Variants in SNX29 observed in about 807,000 individuals in gnomAD.
The protein encoded by SNX29 is sorting nexin-29.
Under a neutral mutation model 102.1 loss-of-function variants are expected in SNX29, and 78 were observed. That is an observed-to-expected ratio of 0.76 (90% CI 0.64 to 0.92). The LOEUF (loss-of-function observed/expected upper bound fraction) is 0.92. Among genes scored for constraint, SNX29 ranks in the 40% least tolerant of loss-of-function variants. The pLI is 0.00. For missense variants in SNX29, 1,280 were observed against 1,061.7 expected (o/e 1.21, Z -2.86); for synonymous variants, 580 against 414.5 (o/e 1.40, Z -4.85).
Position 12,517,818 on chromosome 16 carries a change from C to T in SNX29, c.2179-6884C>T, listed in dbSNP as rs570154959. On this transcript the variant is annotated intron_variant, in intron 19 of 20. Transcript: ENST00000566228. ...AGGACTGGATCAGAGAGGGCCTGGG[C>T]GACCTCCACTGGCATGTCCCGAGAG... Among the ~76,000 whole-genome samples the T allele has an allele frequency of 7.4e-4, 112 of 151,430 alleles. 1 individual carries two copies. The highest frequency in any genetic ancestry group is 2.6e-3 in the African/African-American group (106 of 41,196).
intron 9 of SNX29, among the ~76,000 whole-genome samples, chr16:12,067,195 G>A (rs186322734): frequency 1.1e-4 from 17 of 152,108 alleles, no homozygotes; most frequent in Admixed American, 6.5e-4. Context: ...AAAAAAGCGG[G>A]AGGGGAAGTG....
intron 15 of SNX29, among the ~76,000 whole-genome samples, chr16:12,328,063 T>C (rs1750788859): frequency 6.6e-6 from 1 of 152,300 alleles, no homozygotes; most frequent in South Asian, 2.1e-4. Context: ...AGGACACCAC[T>C]TTCCAGAGCC....
chr16:12,496,258 C>G (rs949821344), intron 19 of SNX29, among the ~76,000 whole-genome samples: 14 of 152,212 alleles, frequency 9.2e-5, no homozygotes, highest in Non-Finnish European at 2.1e-4. Flanking sequence ...GCTGGCAACT[C>G]ACAGGTCACA....
chr16:12,318,197 C>T (rs902216997), intron 15 of SNX29, among the ~76,000 whole-genome samples: 11 of 152,212 alleles, frequency 7.2e-5, no homozygotes, highest in African/African-American at 1.4e-4. Context: ...CATCTTGCTC[C>T]GAGCTCATGC....
At chr16:12,292,195 C>T (rs1018125466) in intron 15 of SNX29, among the ~76,000 whole-genome samples, 6 of 152,086 alleles carry the variant, frequency 3.9e-5, no homozygotes, top group Non-Finnish European at 8.8e-5. Context: ...ACAGCAGGTG[C>T]GAAGGTTTGG....
intron 15 of SNX29, among the ~76,000 whole-genome samples, chr16:12,302,850 C>G (rs561453467): frequency 6.6e-6 from 1 of 152,332 alleles, no homozygotes; most frequent in South Asian, 2.1e-4. Context: ...TGCACATTTT[C>G]TAAAAGCACT....
chr16:12,140,675 TTGG>T (rs772635890), intron 13 of SNX29, among the ~76,000 whole-genome samples: 10 of 152,164 alleles, frequency 6.6e-5, no homozygotes, highest in Non-Finnish European at 1.2e-4. Context: ...GCACCCTGTC[TTGG>T]TGGGTGAAAT....
At chr16:12,393,727 A>G (rs1752037452) in intron 16 of SNX29, among the ~76,000 whole-genome samples, 1 of 152,212 alleles carries the variant, frequency 6.6e-6, no homozygotes, top group Admixed American at 6.5e-5. Flanking sequence ...GGAAGAGGAG[A>G]AGGGAGCAGT....
intron 18 of SNX29, among the ~76,000 whole-genome samples, chr16:12,474,938 C>A (rs1332764835): frequency 6.6e-6 from 1 of 152,148 alleles, no homozygotes; most frequent in African/African-American, 2.4e-5. Context: ...TGGATGTGAC[C>A]TTTTGTTCAG....
At chr16:12,366,918 C>G (rs551094115) in intron 16 of SNX29, 1 of 151,514 alleles carries the variant, frequency 6.6e-6, no homozygotes, top group East Asian at 1.9e-4. Context: ...GCAATCCTCT[C>G]CCTCTCCCTT....
chr16:12,457,259 C>T (rs1307319783), intron 18 of SNX29, among the ~76,000 whole-genome samples: 1 of 152,198 alleles, frequency 6.6e-6, no homozygotes, highest in Non-Finnish European at 1.5e-5. Flanking sequence ...ATACTATCCC[C>T]GCTCTATAGA....
Position 12,480,698 on chromosome 16 carries a change from A to C in SNX29, c.2178+2839A>C, listed in dbSNP as rs541157013. Among the ~76,000 whole-genome samples, 8 of 152,236 alleles carry C rather than the reference A, an allele frequency of 5.3e-5. No homozygotes were observed. The South Asian group carries it at 1.5e-3, about 28-fold the overall frequency. On this transcript the variant is annotated intron_variant, in intron 19 of 20. Coordinates refer to ENST00000566228, the MANE Select transcript of SNX29 (RefSeq NM_032167.5). ...CTGCCTCCTCAAGCCCCCCAGTTAC[A>C]CAAAACTTAAGACAAAATAAATCTC...
chr16:12,200,197 C>T (rs2076878622), intron 14 of SNX29, among the ~76,000 whole-genome samples: 1 of 152,106 alleles, frequency 6.6e-6, no homozygotes, highest in Non-Finnish European at 1.5e-5. Flanking sequence ...AGCATAATGC[C>T]TACCATAGAA....
intron 11 of SNX29, among the ~76,000 whole-genome samples, chr16:12,101,951 G>A (rs151031819): frequency 1.4e-3 from 217 of 152,082 alleles, no homozygotes; most frequent in African/African-American, 5.0e-3. Flanking sequence ...AGTGTGTGAT[G>A]TTCCCCTCCC....
chr16:12,007,581 G>C (rs2056498549), intron 3 of SNX29, among the ~76,000 whole-genome samples: 1 of 152,180 alleles, frequency 6.6e-6, no homozygotes, highest in Non-Finnish European at 1.5e-5. Context: ...ACTTAGGACT[G>C]ACAAGATAGA....
intron 19 of SNX29, among the ~76,000 whole-genome samples, chr16:12,484,988 C>T (rs74533857): frequency 6.6e-6 from 1 of 152,184 alleles, no homozygotes; most frequent in Non-Finnish European, 1.5e-5. Flanking sequence ...AAGATACTCA[C>T]GGTCTAAATT....
chr16:12,069,218 G>C, intron 10 of SNX29, 86 bp downstream of exon 10: 1 of 1,143,190 alleles, frequency 8.7e-7, no homozygotes, highest in South Asian at 1.5e-5. Context: ...AGATAGGAGT[G>C]CACCTGCTAG....
rs372697946 is a variant in SNX29, at chr16:12,503,015, C to T, written c.2179-21687C>T. 1.1e-4 allele frequency among the ~76,000 whole-genome samples: 16 copies of T among 152,260 alleles called. No homozygotes were observed. The East Asian group carries it at 2.3e-3, about 22-fold the overall frequency. On this transcript the variant is annotated intron_variant, in intron 19 of 20. Coordinates refer to ENST00000566228, the MANE Select transcript of SNX29 (RefSeq NM_032167.5). Reference sequence around the variant, plus strand: ...GCCTTTCTGCCTTTTTTCCCTAATCCCATGTATCTTGTTTTGTGAACTTAA... The same window carrying T: ...GCCTTTCTGCCTTTTTTCCCTAATCTCATGTATCTTGTTTTGTGAACTTAA...
chr16:12,013,500 A>ATAT (rs1555518837), intron 3 of SNX29, among the ~76,000 whole-genome samples: 6 of 31,608 alleles, frequency 1.9e-4, no homozygotes, highest in South Asian at 1.4e-3. Flanking sequence ...AAAAAAAAAA[A>ATAT]ATATATATAT....
Sources: allele counts gnomAD v4.1 joint callset (sites outside exome capture counted in the v4.1 genomes callset), GRCh38; gene constraint gnomAD v4.1.1; transcripts MANE v1.5; gene names NCBI Gene and HGNC (gene_info 2026-07-23, HGNC 2026-07-21).